SGIP1: variants seen among roughly 807,000 people sequenced by gnomAD.
SGIP1 encodes the protein SH3-containing GRB2-like protein 3-interacting protein 1.
A neutral mutation model predicts 107.5 loss-of-function variants in SGIP1; 38 were observed. That is an observed-to-expected ratio of 0.35 (90% confidence interval 0.27 to 0.46). SGIP1 has a LOEUF of 0.46. Among genes scored for constraint, SGIP1 ranks in the 20% least tolerant of loss-of-function variants. The probability of loss-of-function intolerance (pLI) is 1.00; values close to 1 mark genes in which losing one functional copy is unlikely to be tolerated. For missense variants in SGIP1, 929 were observed against 1,019.5 expected (o/e 0.91, Z 1.21); for synonymous variants, 365 against 366.1 (o/e 1.00, Z 0.03).
intron 24 of SGIP1, 58 bp from the exon 25 acceptor site, chr1:66,743,015 T>A: frequency 6.3e-7 from 1 of 1,586,644 alleles, no homozygotes; most frequent in Non-Finnish European, 8.7e-7. Flanking sequence ...GTTACCCATA[T>A]AATAATTACA....
At chr1:66,743,036 A>G (rs2150790279) in intron 24 of SGIP1, 37 bp from the exon 25 acceptor site, 2 of 1,612,532 alleles carry the variant, frequency 1.2e-6, no homozygotes, top group Middle Eastern at 3.3e-4. Context: ...TTATTGAACT[A>G]CCAGATAACC....
chr1:66,575,391 C>G (rs909094277), intron 1 of SGIP1, among the ~76,000 whole-genome samples: 2 of 152,172 alleles, frequency 1.3e-5, no homozygotes, highest in African/African-American at 4.8e-5. Context: ...ATGTTTAGAT[C>G]CAACTTGGAT....
chr1:66,554,143 T>C (rs1317798154), intron 1 of SGIP1, among the ~76,000 whole-genome samples: 1 of 152,154 alleles, frequency 6.6e-6, no homozygotes, highest in Non-Finnish European at 1.5e-5. Flanking sequence ...TCCAAGAATT[T>C]TCTTCTGGTA....
chr1:66,544,901 T>C (rs768043694), intron 1 of SGIP1, among the ~76,000 whole-genome samples: 1 of 152,158 alleles, frequency 6.6e-6, no homozygotes, highest in South Asian at 2.1e-4. Flanking sequence ...AAATTTCTCT[T>C]AGCCTTCTTG....
At chr1:66,652,147 G>A (rs11208938) in intron 7 of SGIP1, among the ~76,000 whole-genome samples, 21,582 of 151,026 alleles carry the variant, frequency 0.14, 2,310 homozygotes, top group East Asian at 0.51. Flanking sequence ...TCCTCAACTC[G>A]GAGCTTCAGA....
intron 1 of SGIP1, among the ~76,000 whole-genome samples, chr1:66,571,687 A>G (rs990692052): frequency 2.0e-5 from 3 of 152,052 alleles, no homozygotes; most frequent in African/African-American, 7.2e-5. Context: ...TACAGAACAC[A>G]ATCTAAGCTC....
intron 1 of SGIP1, among the ~76,000 whole-genome samples, chr1:66,578,698 T>C (rs2061413657): frequency 6.6e-6 from 1 of 151,898 alleles, no homozygotes. Context: ...TGAGATGGAG[T>C]TTCACTCTTG....
At chr1:66,597,563 T>C (rs562947611) in intron 1 of SGIP1, among the ~76,000 whole-genome samples, 54 of 152,312 alleles carry the variant, frequency 3.5e-4, no homozygotes, top group African/African-American at 1.2e-3. Context: ...CACTTAGCCC[T>C]GATTCTCCAG....
At chr1:66,673,393 A>T in intron 12 of SGIP1, 27 bp downstream of exon 12, 1 of 1,556,598 alleles carries the variant, frequency 6.4e-7, no homozygotes, top group Non-Finnish European at 8.6e-7. Flanking sequence ...CATATATTAT[A>T]GATTTGTTTT....
At chr1:66,589,322 C>T (rs767927091) in intron 1 of SGIP1, among the ~76,000 whole-genome samples, 1 of 149,172 alleles carries the variant, frequency 6.7e-6, no homozygotes, top group Non-Finnish European at 1.5e-5. Context: ...CTAAGACCTG[C>T]CTATTTTAGA....
intron 10 of SGIP1, 49 bp downstream of exon 10, chr1:66,671,068 AC>A (rs758594814): frequency 1.0e-6 from 1 of 1,004,386 alleles, no homozygotes; most frequent in Non-Finnish European, 1.5e-6. Flanking sequence ...AAAAGAAAGA[AC>A]AGTTCCTTGG....
At chr1:66,578,557 A>G (rs2148703820) in intron 1 of SGIP1, among the ~76,000 whole-genome samples, 1 of 152,330 alleles carries the variant, frequency 6.6e-6, no homozygotes, top group South Asian at 2.1e-4. Flanking sequence ...TTAAGGGGGT[A>G]TTGAGGCAAA....
rs2055340366 is a variant in SGIP1, at chr1:66,542,877, C to T, written c.10+8509C>T. 1.3e-5 allele frequency among the ~76,000 whole-genome samples: 2 copies of T among 152,130 alleles called. 1 individual carries two copies. Among genetic ancestry groups the T allele is most frequent in the South Asian group, 4.2e-4 (2 of 4,818 alleles). On this transcript the variant is annotated intron_variant, in intron 1 of 24. Transcript: ENST00000371037. ...TAGTGGCAGAACCAGCACTTATCAGCCAGGCTTGACTCCTAGTTAAGTGCT... is the reference window on the plus strand; with the variant it reads ...TAGTGGCAGAACCAGCACTTATCAGTCAGGCTTGACTCCTAGTTAAGTGCT...
intron 18 of SGIP1, among the ~76,000 whole-genome samples, chr1:66,717,755 C>T (rs2093325716): frequency 6.6e-6 from 1 of 152,138 alleles, no homozygotes; most frequent in Admixed American, 6.6e-5. Context: ...GTCTTTGAGC[C>T]TTGGTTCCAT....
chr1:66,640,183 A>G (rs114754153), intron 5 of SGIP1, among the ~76,000 whole-genome samples: 1,942 of 152,312 alleles, frequency 0.013, 48 homozygotes, highest in African/African-American at 0.044. Context: ...GCCCCCACAC[A>G]TATCAGCTGT....
At chr1:66,595,671 A>C (rs2064513697) in intron 1 of SGIP1, among the ~76,000 whole-genome samples, 2 of 152,226 alleles carry the variant, frequency 1.3e-5, no homozygotes, top group African/African-American at 2.4e-5. Context: ...TTTTCATAAA[A>C]TGTGCATTAA....
At chr1:66,597,852 C>T (rs149042549) in intron 1 of SGIP1, among the ~76,000 whole-genome samples, 7 of 152,262 alleles carry the variant, frequency 4.6e-5, no homozygotes, top group African/African-American at 1.7e-4. Context: ...GATTCACATG[C>T]TTGCTGAATG....
intron 21 of SGIP1, 111 bp downstream of exon 21, chr1:66,733,991 A>C: frequency 8.2e-7 from 1 of 1,212,264 alleles, no homozygotes; most frequent in Non-Finnish European, 1.1e-6. Flanking sequence ...CAGTATTTAA[A>C]AGCTATAACT....
intron 1 of SGIP1, among the ~76,000 whole-genome samples, chr1:66,589,291 A>G (rs1368444329): frequency 6.8e-6 from 1 of 146,650 alleles, no homozygotes; most frequent in Non-Finnish European, 1.5e-5. Context: ...GAATGAATCA[A>G]TTTAATGTTT....
Sources: allele counts gnomAD v4.1 joint callset (sites outside exome capture counted in the v4.1 genomes callset), GRCh38; gene constraint gnomAD v4.1.1; transcripts MANE v1.5; gene names NCBI Gene and HGNC (gene_info 2026-07-23, HGNC 2026-07-21).